The following STRN variants were observed in gnomAD, a reference collection of about 807,000 sequenced individuals.
The protein encoded by STRN is protein phosphatase 2 regulatory subunit B'''alpha.
In STRN, 53 loss-of-function variants were observed where a neutral mutation model predicts 96.3. The observed-to-expected ratio is 0.55, with a 90% CI of 0.44 to 0.69. The LOEUF (loss-of-function observed/expected upper bound fraction) is 0.69. STRN is among the 30% of genes least tolerant of loss of function. STRN has a pLI of 0.00. For synonymous variants in STRN, 428 were observed against 355.9 expected (o/e 1.20, Z -2.28); for missense variants, 987 against 963.9 (o/e 1.02, Z -0.32).
chr2:36,919,256 T>A (rs1670186012), intron 2 of STRN, among the ~76,000 whole-genome samples: 1 of 152,182 alleles, frequency 6.6e-6, no homozygotes, highest in South Asian at 2.1e-4. Flanking sequence ...TGTAAATAAC[T>A]ACAGCATACT....
At chr2:36,940,978 C>T (rs1214839876) in intron 1 of STRN, among the ~76,000 whole-genome samples, 2 of 151,688 alleles carry the variant, frequency 1.3e-5, no homozygotes, top group East Asian at 3.9e-4. Context: ...CATGGCAAAA[C>T]CTCCTATCTA....
intron 1 of STRN, among the ~76,000 whole-genome samples, chr2:36,938,253 C>T (rs1670755462): frequency 6.6e-6 from 1 of 151,940 alleles, no homozygotes; most frequent in South Asian, 2.1e-4. Flanking sequence ...TGGCAAAACA[C>T]CGCCTCTACT....
chr2:36,865,859 G>A (rs7557792), intron 12 of STRN, among the ~76,000 whole-genome samples: 16 of 151,972 alleles, frequency 1.1e-4, no homozygotes, highest in African/African-American at 3.6e-4. Context: ...TGCACTGGCC[G>A]AGATCTAATT....
intron 15 of STRN, among the ~76,000 whole-genome samples, chr2:36,852,505 T>A (rs1439844124): frequency 6.6e-6 from 1 of 152,320 alleles, no homozygotes; most frequent in East Asian, 1.9e-4. Flanking sequence ...TCTAGGGGAA[T>A]AGGAGCATGA....
In STRN at chr2:36,851,057, G is replaced by C. The variant is rs1668208234; in HGVS notation, c.2029C>G (p.Pro677Ala). The change falls in exon 16 of 18, where the codon CCG becomes GCG. Residue 677 changes from proline to alanine, a missense_variant. Physicochemically the swap from Pro to Ala is conservative, Grantham distance 27. Transcript: ENST00000263918. ...TCTTCATGAGCAGTGATGCTGATCG[G>C]AAGAGTAGGATGACTGATGACTCTA... is the stretch of plus-strand genomic sequence containing the variant. ...INRVISHPTL[P>A]ISITAHEDRH... 3 of 1,613,756 alleles carry C rather than the reference G, an allele frequency of 1.9e-6. No homozygotes were observed. The highest frequency in any genetic ancestry group is 1.7e-6 in the Non-Finnish European group (2 of 1,179,888).
Position 36,864,563 on chromosome 2 carries a change from T to C in STRN, c.1547+3251A>G, listed in dbSNP as rs13403271. Among the ~76,000 whole-genome samples the C allele has an allele frequency of 7.4e-3, 1,129 of 152,228 alleles. 17 individuals carry two copies. The highest frequency in any genetic ancestry group is 0.026 in the African/African-American group (1,069 of 41,536). ...GCTGTTGGATTTTCTCTGCTAGTAA[T>C]TGGTTGAAGATTTTTGCATCTATGT... On this transcript the variant is annotated intron_variant, in intron 12 of 17. Transcript: ENST00000263918.
intron 13 of STRN, among the ~76,000 whole-genome samples, chr2:36,859,588 T>A (rs1007056666): frequency 6.6e-6 from 1 of 152,214 alleles, no homozygotes; most frequent in African/African-American, 2.4e-5. Context: ...AGCTTAAAGA[T>A]GTATGAGTCA....
intron 4 of STRN, 197 bp from the exon 5 acceptor site, chr2:36,902,948 A>G (rs968980381): frequency 3.3e-5 from 12 of 364,234 alleles, no homozygotes; most frequent in Middle Eastern, 7.3e-4. Context: ...CTCTACAGTC[A>G]CTGAGAAAAA....
rs1405684917 is a variant in STRN, at chr2:36,839,046, T to C, written c.*10410A>G. On this transcript the variant is annotated 3_prime_UTR_variant, in exon 18 of 18. Coordinates refer to ENST00000263918, the MANE Select transcript of STRN (RefSeq NM_003162.4). The stretch of plus-strand genomic sequence containing the variant: ...ATAATATGTAGAATAAAACCCCATA[T>C]GTAATAACTGGGTATACACATTTGT... 2.0e-5 allele frequency among the ~76,000 whole-genome samples: 3 copies of C among 152,224 alleles called. No individual in the cohort carries two copies. The highest frequency in any genetic ancestry group is 4.4e-5 in the Non-Finnish European group (3 of 68,040).
intron 3 of STRN, among the ~76,000 whole-genome samples, chr2:36,910,515 G>T (rs1669938912): frequency 6.6e-6 from 1 of 152,116 alleles, no homozygotes; most frequent in Admixed American, 6.5e-5. Flanking sequence ...TCCATGAAGT[G>T]GTGTATTATC....
rs1240778270 is a variant in STRN, at chr2:36,846,025, C to G, written c.*3431G>C. 4.4e-5 allele frequency: 1 copy of G among 22,792 alleles called. No homozygotes were observed. Among genetic ancestry groups the G allele is most frequent in the Non-Finnish European group, 2.2e-4 (1 of 4,610 alleles). The allele number at this position is 22,792 out of a possible 1,614,324, so 1.4% of individuals were successfully genotyped here. A position where few individuals can be genotyped will look rare whatever the true frequency, so the allele number is the denominator to read the frequency against. On this transcript the variant is annotated 3_prime_UTR_variant, in exon 18 of 18. Coordinates refer to ENST00000263918, the MANE Select transcript of STRN (RefSeq NM_003162.4). ...CTCAATCTTCATCCTCACTGTAAGG[C>G]TGCATTTTTTTTTTTAAAGGCACCT...
chr2:36,935,728 G>A (rs1670684796), intron 1 of STRN, among the ~76,000 whole-genome samples: 1 of 152,100 alleles, frequency 6.6e-6, no homozygotes, highest in Non-Finnish European at 1.5e-5. Context: ...CCATCCCAAA[G>A]TGCCTTGCAA....
Position 36,893,593 on chromosome 2 carries a change from A to G in STRN, c.931+305T>C, listed in dbSNP as rs149705797. ...TCCTCCAACTAAAGTCTCATAATCAATTTCCACAAAAATCTAGATTTGCAA... is the reference window on the plus strand; with the variant it reads ...TCCTCCAACTAAAGTCTCATAATCAGTTTCCACAAAAATCTAGATTTGCAA... On this transcript the variant is annotated intron_variant, in intron 7 of 17. Coordinates refer to ENST00000263918, the MANE Select transcript of STRN (RefSeq NM_003162.4). 7.9e-5 allele frequency among the ~76,000 whole-genome samples: 12 copies of G among 152,328 alleles called. No individual in the cohort carries two copies. The East Asian group carries it at 2.3e-3, about 29-fold the overall frequency.
At chr2:36,944,397 T>A (rs978315268) in intron 1 of STRN, among the ~76,000 whole-genome samples, 1 of 152,224 alleles carries the variant, frequency 6.6e-6, no homozygotes, top group Non-Finnish European at 1.5e-5. Flanking sequence ...TAATCTCATA[T>A]AAACAATTGA....
chr2:36,963,513 T>A (rs1665079192), intron 1 of STRN, among the ~76,000 whole-genome samples: 1 of 152,166 alleles, frequency 6.6e-6, no homozygotes, highest in Non-Finnish European at 1.5e-5. Flanking sequence ...TTTTTCCAAT[T>A]ACACTAATAA....
rs778173393 is a variant in STRN at position 36,877,854 on chromosome 2, A to G, written c.1323+37T>C. On this transcript the variant is annotated intron_variant, in intron 10 of 17. Transcript: ENST00000263918. ...CCAGCCCAAGTTTTTGTTTTTAAAA[A>G]CCAAGTAAACACAACAAAAACAAAA... The G allele has an allele frequency of 2.5e-6, 4 of 1,608,824 alleles. No individual in the cohort carries two copies. In the Admixed American group the frequency reaches 6.7e-5, roughly 27 times the overall value.
At chr2:36,940,890 T>C (rs1223082108) in intron 1 of STRN, among the ~76,000 whole-genome samples, 1 of 144,250 alleles carries the variant, frequency 6.9e-6, no homozygotes, top group East Asian at 2.1e-4. Context: ...CAATGGCCCA[T>C]GCCTGTAATC....
chr2:36,942,451 T>C (rs1670869121), intron 1 of STRN, among the ~76,000 whole-genome samples: 1 of 152,128 alleles, frequency 6.6e-6, no homozygotes, highest in Non-Finnish European at 1.5e-5. Flanking sequence ...TATAATTGGG[T>C]ATTTAGTTTG....
chr2:36,958,873 C>T (rs1247283771), intron 1 of STRN, among the ~76,000 whole-genome samples: 1 of 152,184 alleles, frequency 6.6e-6, no homozygotes, highest in Non-Finnish European at 1.5e-5. Flanking sequence ...CTAATCCCAA[C>T]ACTTGGGAGG....
Sources: allele counts gnomAD v4.1 joint callset (sites outside exome capture counted in the v4.1 genomes callset), GRCh38; gene constraint gnomAD v4.1.1; transcripts MANE v1.5; gene names NCBI Gene and HGNC (gene_info 2026-07-23, HGNC 2026-07-21).